The following ROBO1 variants were observed in gnomAD, a reference collection of about 807,000 sequenced individuals.
The protein encoded by ROBO1 is roundabout guidance receptor 1.
ROBO1 carries 149 observed loss-of-function variants against 195.9 expected under a neutral mutation model. The ratio of observed to expected loss-of-function variants is 0.76; its 90% confidence interval spans 0.67 to 0.87. ROBO1 has a LOEUF of 0.87. Ranked by LOEUF, ROBO1 falls within the 40% of genes least tolerant of loss-of-function variation. The pLI is 0.00. For synonymous variants in ROBO1, 816 were observed against 733.2 expected (o/e 1.11, Z -1.82); for missense variants, 1,933 against 2,068.3 (o/e 0.93, Z 1.27).
intron 5 of ROBO1, among the ~76,000 whole-genome samples, chr3:78,739,151 T>G (rs2082463555): frequency 6.6e-6 from 1 of 152,322 alleles, no homozygotes; most frequent in Non-Finnish European, 1.5e-5. Context: ...GCTCTTCTTC[T>G]TAATAAAATG....
At chr3:78,656,898 CTCTCTCTCTCTCTCTT>C (rs940802709) in intron 18 of ROBO1, among the ~76,000 whole-genome samples, 184 bp downstream of exon 18, 13 of 151,034 alleles carry the variant, frequency 8.6e-5, no homozygotes, top group South Asian at 8.3e-4. Flanking sequence ...TCTAGTCTGT[CTCTCTCTCTCTCTCTT>C]TCTCTCTCTC....
At chr3:78,989,065 G>A (rs1392944466) in intron 3 of ROBO1, among the ~76,000 whole-genome samples, 2 of 152,058 alleles carry the variant, frequency 1.3e-5, no homozygotes, top group Non-Finnish European at 2.9e-5. Context: ...GTAGATAGGA[G>A]GAATAAGTTC....
chr3:79,600,727 G>A (rs796396812), intron 1 of ROBO1, among the ~76,000 whole-genome samples: 2 of 151,628 alleles, frequency 1.3e-5, no homozygotes, highest in Non-Finnish European at 2.9e-5. Context: ...AATCCACACT[G>A]TGCTAATTTC....
chr3:78,832,709 G>A (rs756048869), intron 4 of ROBO1, among the ~76,000 whole-genome samples: 4 of 152,126 alleles, frequency 2.6e-5, no homozygotes, highest in African/African-American at 7.2e-5. Context: ...ATCTAACGAG[G>A]TTAGGCAGGA....
intron 2 of ROBO1, among the ~76,000 whole-genome samples, chr3:79,533,392 A>G (rs957181036): frequency 6.6e-6 from 1 of 152,152 alleles, no homozygotes; most frequent in African/African-American, 2.4e-5. Flanking sequence ...GGATATGAAT[A>G]TTTAGTTTTT....
At chr3:79,261,893 G>A (rs185299771) in intron 2 of ROBO1, among the ~76,000 whole-genome samples, 115 of 152,064 alleles carry the variant, frequency 7.6e-4, no homozygotes, top group Middle Eastern at 3.4e-3. Flanking sequence ...GTTGCTCTAC[G>A]TTGTAATTGA....
At chr3:79,674,329 G>T (rs920925082) in intron 1 of ROBO1, among the ~76,000 whole-genome samples, 4 of 151,924 alleles carry the variant, frequency 2.6e-5, no homozygotes, top group Non-Finnish European at 4.4e-5. Flanking sequence ...CTCAATGCAT[G>T]TCAATGCATG....
chr3:79,756,318 A>G (rs1244928312), intron 1 of ROBO1, among the ~76,000 whole-genome samples: 8 of 152,138 alleles, frequency 5.3e-5, no homozygotes, highest in African/African-American at 1.4e-4. Context: ...TTGGGAGGCC[A>G]AGGCGGGCGG....
chr3:79,748,540 G>A (rs995435909), intron 1 of ROBO1, among the ~76,000 whole-genome samples: 3 of 152,046 alleles, frequency 2.0e-5, no homozygotes, highest in Non-Finnish European at 2.9e-5. Context: ...TTACCAAATG[G>A]CAAATCTCTA....
chr3:79,297,082 T>C (rs2032634237), intron 2 of ROBO1, among the ~76,000 whole-genome samples: 1 of 152,192 alleles, frequency 6.6e-6, no homozygotes, highest in Non-Finnish European at 1.5e-5. Context: ...TACGTTATTT[T>C]CAAATACAAA....
chr3:79,034,966 T>C (rs2078357552), intron 3 of ROBO1, among the ~76,000 whole-genome samples: 1 of 152,144 alleles, frequency 6.6e-6, no homozygotes, highest in South Asian at 2.1e-4. Flanking sequence ...TTTTAAAGTA[T>C]ATATTTCCAT....
intron 1 of ROBO1, among the ~76,000 whole-genome samples, chr3:79,741,063 C>A (rs1381235344): frequency 6.6e-6 from 1 of 152,086 alleles, no homozygotes; most frequent in Non-Finnish European, 1.5e-5. Context: ...TTAGTTTTGC[C>A]AAGGAAATAT....
intron 4 of ROBO1, among the ~76,000 whole-genome samples, chr3:78,892,165 C>T (rs1270870566): frequency 6.6e-6 from 1 of 152,108 alleles, no homozygotes; most frequent in Non-Finnish European, 1.5e-5. Flanking sequence ...TTTGAGACCA[C>T]CCTGGGCAAC....
intron 3 of ROBO1, among the ~76,000 whole-genome samples, chr3:79,107,910 G>T (rs1404388749): frequency 1.3e-5 from 2 of 151,662 alleles, no homozygotes; most frequent in Non-Finnish European, 3.0e-5. Context: ...AAAACAAATT[G>T]TGTTAGTTGC....
chr3:79,087,881 G>A (rs554936498), intron 3 of ROBO1, among the ~76,000 whole-genome samples: 27 of 152,130 alleles, frequency 1.8e-4, no homozygotes, highest in Non-Finnish European at 2.5e-4. Context: ...GCTGAAACAC[G>A]TCTTTCTAAA....
intron 2 of ROBO1, among the ~76,000 whole-genome samples, 181 bp from the exon 3 acceptor site, chr3:79,125,720 G>A (rs1439857808): frequency 6.6e-6 from 1 of 152,136 alleles, no homozygotes. Flanking sequence ...GAAGGTCTCA[G>A]CATCATGGTT....
rs117692659 is a variant in ROBO1, at chr3:78,971,839, C to T, written c.173-32912G>A. Among the ~76,000 whole-genome samples, 326 of 152,196 alleles carry T rather than the reference C, an allele frequency of 2.1e-3. 4 individuals are homozygous for T. The highest frequency in any genetic ancestry group is 0.012 in the Admixed American group (180 of 15,282). The stretch of plus-strand genomic sequence containing the variant: ...GGAGTGCACTGGTGCCATCTTGGCT[C>T]ACTACAACCTTCGCCTCCTGGGCTC... On this transcript the variant is annotated intron_variant, in intron 3 of 30. Coordinates refer to ENST00000464233, the MANE Select transcript of ROBO1 (RefSeq NM_002941.4).
intron 3 of ROBO1, among the ~76,000 whole-genome samples, chr3:78,945,907 G>C (rs530249853): frequency 6.6e-6 from 1 of 151,826 alleles, no homozygotes; most frequent in African/African-American, 2.4e-5. Flanking sequence ...TCAACTGGAA[G>C]AAAGGGTATC....
chr3:78,876,121 A>T (rs1181781528), intron 4 of ROBO1, among the ~76,000 whole-genome samples: 1 of 152,140 alleles, frequency 6.6e-6, no homozygotes, highest in Non-Finnish European at 1.5e-5. Context: ...TCAAGAAAAA[A>T]TAATAATCTT....
Sources: gnomAD v4.1 joint callset for allele counts (sites outside exome capture counted in the v4.1 genomes callset) on GRCh38, gnomAD v4.1.1 for gene constraint, MANE v1.5 for transcripts, NCBI Gene and HGNC (gene_info 2026-07-23, HGNC 2026-07-21) for gene names.